The following BRIP1 variants were observed in gnomAD, a reference collection of about 807,000 sequenced individuals.
The protein encoded by BRIP1 is Fanconi anemia group J protein.
BRIP1 carries 88 observed loss-of-function variants against 119.7 expected under a neutral mutation model. The ratio of observed to expected loss-of-function variants is 0.74; its 90% CI spans 0.62 to 0.88. The LOEUF is 0.88. Ranked by LOEUF, BRIP1 falls within the 40% of genes least tolerant of loss-of-function variation. The probability of loss-of-function intolerance (pLI) is 0.00; values close to 1 mark genes in which losing one functional copy is unlikely to be tolerated. For missense variants in BRIP1, 1,259 were observed against 1,455.4 expected (o/e 0.87, Z 2.20); for synonymous variants, 443 against 496.5 (o/e 0.89, Z 1.43).
In BRIP1 at chr17:61,680,026, G is replaced by A. The variant is rs751948284; in HGVS notation, c.*3270C>T. The stretch of plus-strand genomic sequence containing the variant: ...AGTAATGAAAATTTTTAACTTCAGG[G>A]AGAATTAAATTTTGGAAAGAATAAA... On this transcript the variant is annotated 3_prime_UTR_variant, in exon 20 of 20. Coordinates refer to ENST00000259008, the MANE Select transcript of BRIP1 (RefSeq NM_032043.3). Among the ~76,000 whole-genome samples the A allele has an allele frequency of 3.9e-5, 6 of 151,970 alleles. No homozygotes were observed. The highest frequency in any genetic ancestry group is 6.6e-5 in the Admixed American group (1 of 15,240).
rs550272634 is a variant in BRIP1, at chr17:61,781,689, G to A, written c.1629-684C>T. On this transcript the variant is annotated intron_variant, in intron 11 of 19. Transcript: ENST00000259008. ...TGTAATCCCAGCACTTTGGGAGGCCGAGGCAGGTGGATCACGAGGTCAGGA... is the reference window on the plus strand; with the variant it reads ...TGTAATCCCAGCACTTTGGGAGGCCAAGGCAGGTGGATCACGAGGTCAGGA... 2.8e-4 allele frequency among the ~76,000 whole-genome samples: 43 copies of A among 152,106 alleles called. No individual in the cohort carries two copies. The East Asian group carries it at 7.2e-3, about 25-fold the overall frequency.
rs998953141 is a variant in BRIP1, at chr17:61,799,795, T to G, written c.1141-496A>C. ...TGACTCTTAAAATACTAACATAATA[T>G]ATATGTTTTGTTTTAATCTGTCCTG... On this transcript the variant is annotated intron_variant, in intron 8 of 19. Transcript: ENST00000259008. This position sits in a 1 kb window ranked among gnomAD's most constrained non-coding sequence, Gnocchi z 5.1. Among the ~76,000 whole-genome samples, 8 of 152,034 alleles carry G rather than the reference T, an allele frequency of 5.3e-5. No homozygotes were observed. The highest frequency in any genetic ancestry group is 1.0e-4 in the Non-Finnish European group (7 of 68,002).
At chr17:61,786,961 ATTATAT>A (rs1371103629) in intron 10 of BRIP1, among the ~76,000 whole-genome samples, 3 of 82,592 alleles carry the variant, frequency 3.6e-5, no homozygotes, top group African/African-American at 1.7e-4. Context: ...ATATATTTAT[ATTATAT>A]TTATATTTAT....
At position 61,729,823 on chromosome 17, in the gene BRIP1, G is replaced by A. The variant is rs756047132; in HGVS notation, c.2379+13190C>T. ...AACCAGAAGATAATGGCAATGTCTA[G>A]AGATATTTTGGGTTATCACAACTGG... On this transcript the variant is annotated intron_variant, in intron 16 of 19. Transcript: ENST00000259008. This position sits in a 1 kb window ranked among gnomAD's most constrained non-coding sequence, Gnocchi z 5.6. Among the ~76,000 whole-genome samples, 3 of 152,036 alleles carry A rather than the reference G, an allele frequency of 2.0e-5. No individual in the cohort carries two copies. The highest frequency in any genetic ancestry group is 4.4e-5 in the Non-Finnish European group (3 of 68,018).
rs1385221508 is a variant in BRIP1 at position 61,752,350 on chromosome 17, C to A, written c.2098-7759G>T. The stretch of plus-strand genomic sequence containing the variant: ...AAGAGTTAAGAAAAAAAATGCAAAC[C>A]TTGAGAATAAGATAAAAAAGAAACA... On this transcript the variant is annotated intron_variant, in intron 14 of 19. Transcript: ENST00000259008. This position sits in a 1 kb window ranked among gnomAD's most constrained non-coding sequence, Gnocchi z 6.2. Among the ~76,000 whole-genome samples, 1 of 151,896 alleles carries A rather than the reference C, an allele frequency of 6.6e-6. No individual in the cohort carries two copies. The highest frequency in any genetic ancestry group is 2.4e-5 in the African/African-American group (1 of 41,354).
rs370472802 is a variant in BRIP1 at position 61,834,821 on chromosome 17, TG to T, written c.627+12279del. 1.8e-4 allele frequency among the ~76,000 whole-genome samples: 27 copies of T among 152,316 alleles called. No individual in the cohort carries two copies. The South Asian group carries it at 5.6e-3, about 32-fold the overall frequency. On this transcript the variant is annotated intron_variant, in intron 6 of 19. Coordinates refer to ENST00000259008, the MANE Select transcript of BRIP1 (RefSeq NM_032043.3). The surrounding 1 kb of genome is among the most constrained non-coding windows in gnomAD (Gnocchi z 4.4). ...TCAACTCCCTGAAGCAGGGCTGCCT[TG>T]CTGACTTACAGCTGACCTGCAGTTG...
rs1567787378 is a variant in BRIP1, at chr17:61,751,328, G to A, written c.2098-6737C>T. Among the ~76,000 whole-genome samples, 1 of 152,162 alleles carries A rather than the reference G, an allele frequency of 6.6e-6. No homozygotes were observed. Among genetic ancestry groups the A allele is most frequent in the Non-Finnish European group, 1.5e-5 (1 of 68,036 alleles). On this transcript the variant is annotated intron_variant, in intron 14 of 19. Coordinates refer to ENST00000259008, the MANE Select transcript of BRIP1 (RefSeq NM_032043.3). This position sits in a 1 kb window ranked among gnomAD's most constrained non-coding sequence, Gnocchi z 6.7. ...GAACAGAGGTTACCAGGGCCTGAGGGAAGGGGCTAAACAGGAGTCATTGTT... is the reference window on the plus strand; with the variant it reads ...GAACAGAGGTTACCAGGGCCTGAGGAAAGGGGCTAAACAGGAGTCATTGTT...
rs918587168 is a variant in BRIP1 at position 61,857,717 on chromosome 17, C to T, written c.206-486G>A. 6.6e-6 allele frequency among the ~76,000 whole-genome samples: 1 copy of T among 152,136 alleles called. No homozygotes were observed. On this transcript the variant is annotated intron_variant, in intron 3 of 19. Coordinates refer to ENST00000259008, the MANE Select transcript of BRIP1 (RefSeq NM_032043.3). This position sits in a 1 kb window ranked among gnomAD's most constrained non-coding sequence, Gnocchi z 5.1. Reference sequence around the variant, plus strand: ...CCAGCCTAGGCGACAGAGCAAGACTCTGTTTCAAAAACCAAAACAAAAACA... The same window carrying T: ...CCAGCCTAGGCGACAGAGCAAGACTTTGTTTCAAAAACCAAAACAAAAACA...
At chr17:61,820,402 A>C (rs1038046836) in intron 6 of BRIP1, among the ~76,000 whole-genome samples, 4 of 152,220 alleles carry the variant, frequency 2.6e-5, no homozygotes, top group Non-Finnish European at 5.9e-5. Flanking sequence ...CTACTTAAAA[A>C]TTATGAGATG....
chr17:61,744,796 G>C lies in BRIP1; in HGVS notation c.2098-205C>G, dbSNP rs2077037750. 6.6e-6 allele frequency among the ~76,000 whole-genome samples: 1 copy of C among 151,894 alleles called. No individual in the cohort carries two copies. Among genetic ancestry groups the C allele is most frequent in the Non-Finnish European group, 1.5e-5 (1 of 67,974 alleles). On this transcript the variant is annotated intron_variant, in intron 14 of 19. Transcript: ENST00000259008. This position sits in a 1 kb window ranked among gnomAD's most constrained non-coding sequence, Gnocchi z 5.0. ...ATTTAGAGAGATCTGAATGGTGCTG[G>C]CACAGTTAGCTGCTGCTGCTGCTAC...
intron 6 of BRIP1, among the ~76,000 whole-genome samples, chr17:61,821,448 T>C (rs536641407): frequency 6.6e-6 from 1 of 152,238 alleles, no homozygotes; most frequent in African/African-American, 2.4e-5. Context: ...GAATCGGCCT[T>C]AGGTTCCCTG....
At position 61,727,788 on chromosome 17, in the gene BRIP1, C is replaced by A. The variant is rs1046461128; in HGVS notation, c.2380-11725G>T. Among the ~76,000 whole-genome samples the A allele has an allele frequency of 3.3e-3, 486 of 145,484 alleles. 1 individual carries two copies. Among genetic ancestry groups the A allele is most frequent in the African/African-American group, 9.4e-3 (354 of 37,832 alleles). On this transcript the variant is annotated intron_variant, in intron 16 of 19. Transcript: ENST00000259008. ...TCTGTCTGTCTCTCTCTCTCTCTCTCTCTATATATATATATATAATCTTTC... is the reference window on the plus strand; with the variant it reads ...TCTGTCTGTCTCTCTCTCTCTCTCTATCTATATATATATATATAATCTTTC...
rs1156267272 is a variant in BRIP1, at chr17:61,756,225, T to A, written c.2098-11634A>T. ...TACACATTTAGACAGCTTAACTATT[T>A]CTGTCTTGCCAGAGAAATCACATAA... is the stretch of plus-strand genomic sequence containing the variant. On this transcript the variant is annotated intron_variant, in intron 14 of 19. Transcript: ENST00000259008. The surrounding 1 kb of genome is among the most constrained non-coding windows in gnomAD (Gnocchi z 4.3). Among the ~76,000 whole-genome samples the A allele has an allele frequency of 1.3e-5, 2 of 152,222 alleles. No individual in the cohort carries two copies. Among genetic ancestry groups the A allele is most frequent in the Non-Finnish European group, 2.9e-5 (2 of 68,038 alleles).
chr17:61,716,008 G>A lies in BRIP1; in HGVS notation c.2435C>T (p.Pro812Leu), dbSNP rs876659410. 1 of 1,608,508 alleles carries A rather than the reference G, an allele frequency of 6.2e-7. No individual in the cohort carries two copies. ...TTGAATTTCATACCACTGACGGCCAGGTAGAAGACCTCTCAATTTTGAATG... is the reference window on the plus strand; with the variant it reads ...TTGAATTTCATACCACTGACGGCCAAGTAGAAGACCTCTCAATTTTGAATG... ...DHHSKLRGLL[P>L]GRQWYEIQAY... Residue 812 changes from proline to leucine, a missense_variant, in exon 17 of 20, where the codon CCT (proline) becomes CTT (leucine). Coordinates refer to ENST00000259008, the MANE Select transcript of BRIP1 (RefSeq NM_032043.3).
rs1230486188 is a variant in BRIP1, at chr17:61,803,747, G to A, written c.919-2273C>T. ...TAGAAAAGTATATATATTTTTAGTA[G>A]AAGTATAAAATTCTAGTAGTAGAAG... On this transcript the variant is annotated intron_variant, in intron 7 of 19. Transcript: ENST00000259008. The surrounding 1 kb of genome is among the most constrained non-coding windows in gnomAD (Gnocchi z 4.3). 6.6e-6 allele frequency among the ~76,000 whole-genome samples: 1 copy of A among 152,040 alleles called. No individual in the cohort carries two copies. The highest frequency in any genetic ancestry group is 6.6e-5 in the Admixed American group (1 of 15,258).
At chr17:61,732,277 G>A (rs1011889603) in intron 16 of BRIP1, among the ~76,000 whole-genome samples, 2 of 151,874 alleles carry the variant, frequency 1.3e-5, no homozygotes, top group Admixed American at 6.6e-5. Context: ...CACTGCACCC[G>A]GCCTATTCTG....
At chr17:61,728,529 A>G (rs180969594) in intron 16 of BRIP1, among the ~76,000 whole-genome samples, 1 of 152,336 alleles carries the variant, frequency 6.6e-6, no homozygotes. Flanking sequence ...CAACGTATCC[A>G]CAGAGCTACT....
chr17:61,696,926 C>T (rs1455530730), intron 17 of BRIP1, among the ~76,000 whole-genome samples: 1 of 131,184 alleles, frequency 7.6e-6, no homozygotes, highest in Non-Finnish European at 1.5e-5. Flanking sequence ...GTGGAGCTTG[C>T]AGTAAGCTGA....
Position 61,852,397 on chromosome 17 carries a change from G to A in BRIP1, c.380-3141C>T, listed in dbSNP as rs533534182. 4.6e-5 allele frequency among the ~76,000 whole-genome samples: 7 copies of A among 152,132 alleles called. No homozygotes were observed. The highest frequency in any genetic ancestry group is 1.3e-4 in the Admixed American group (2 of 15,266). ...CAATAGAAAAATGGAGGCTGGGCAC[G>A]GTGGCTCACACTTGTAATTCAAGCA... On this transcript the variant is annotated intron_variant, in intron 4 of 19. Coordinates refer to ENST00000259008, the MANE Select transcript of BRIP1 (RefSeq NM_032043.3). This position sits in a 1 kb window ranked among gnomAD's most constrained non-coding sequence, Gnocchi z 4.9.
Sources: gnomAD v4.1 joint callset for allele counts (sites outside exome capture counted in the v4.1 genomes callset) on GRCh38, gnomAD v4.1.1 for gene constraint, Gnocchi (gnomAD v3.1) non-coding constraint, MANE v1.5 for transcripts, NCBI Gene and HGNC (gene_info 2026-07-23, HGNC 2026-07-21) for gene names.